The following CCDC146 variants were observed in gnomAD, a reference collection of about 807,000 sequenced individuals.
CCDC146 encodes coiled-coil domain containing 146.
CCDC146 carries 92 observed loss-of-function variants against 119.3 expected under a neutral mutation model. The ratio of observed to expected loss-of-function variants is 0.77; its 90% confidence interval spans 0.65 to 0.92. The LOEUF is 0.92. Among genes scored for constraint, CCDC146 ranks in the 40% least tolerant of loss-of-function variants. The probability of loss-of-function intolerance (pLI) is 0.00; values close to 1 mark genes in which losing one functional copy is unlikely to be tolerated. For synonymous variants in CCDC146, 372 were observed against 371.8 expected (o/e 1.00, Z -0.01); for missense variants, 1,000 against 1,103.0 (o/e 0.91, Z 1.32).
At position 77,237,043 on chromosome 7, in the gene CCDC146, C is replaced by T. The variant is rs762027707; in HGVS notation, c.239+14C>T. On this transcript the variant is annotated intron_variant, in intron 3 of 18. Transcript: ENST00000285871. ...CGCCGTGATGAGGTATGCAATTTACCAATATGGAGACATGATTAATCACCT... is the reference window on the plus strand; with the variant it reads ...CGCCGTGATGAGGTATGCAATTTACTAATATGGAGACATGATTAATCACCT... The T allele has an allele frequency of 1.3e-6, 2 of 1,599,208 alleles. No individual in the cohort carries two copies. The highest frequency in any genetic ancestry group is 1.7e-6 in the Non-Finnish European group (2 of 1,166,566).
intron 1 of CCDC146, among the ~76,000 whole-genome samples, chr7:77,129,939 G>A (rs1790757371): frequency 6.6e-6 from 1 of 151,998 alleles, no homozygotes; most frequent in African/African-American, 2.4e-5. Flanking sequence ...ATCAACTGTT[G>A]ATGTATCTCA....
chr7:77,243,133 T>A (rs144583933), intron 4 of CCDC146, among the ~76,000 whole-genome samples: 134 of 152,338 alleles, frequency 8.8e-4, no homozygotes, highest in African/African-American at 3.0e-3. Flanking sequence ...GACATTTCCA[T>A]GAAAGAGTAA....
chr7:77,151,680 A>G (rs1394503172), intron 1 of CCDC146, among the ~76,000 whole-genome samples: 3 of 152,138 alleles, frequency 2.0e-5, no homozygotes, highest in Non-Finnish European at 4.4e-5. Context: ...CCTCCTGGAC[A>G]TAAGACCTGC....
At chr7:77,290,364 C>A (rs1793923001) in intron 17 of CCDC146, among the ~76,000 whole-genome samples, 1 of 150,994 alleles carries the variant, frequency 6.6e-6, no homozygotes, top group Admixed American at 6.6e-5. Flanking sequence ...TACCCTAGAA[C>A]TTAAAGTATA....
chr7:77,140,423 T>C (rs557466545), intron 1 of CCDC146, among the ~76,000 whole-genome samples: 2 of 152,344 alleles, frequency 1.3e-5, no homozygotes, highest in South Asian at 4.1e-4. Flanking sequence ...GATCACAGTA[T>C]TGCTGGTGAT....
At chr7:77,257,687 G>A (rs1041613975) in intron 6 of CCDC146, among the ~76,000 whole-genome samples, 7 of 152,130 alleles carry the variant, frequency 4.6e-5, no homozygotes, top group African/African-American at 1.2e-4. Flanking sequence ...GAAATGTCTC[G>A]CCCACCACAC....
intron 1 of CCDC146, among the ~76,000 whole-genome samples, chr7:77,159,470 T>C (rs1036066431): frequency 3.9e-5 from 6 of 152,176 alleles, no homozygotes; most frequent in African/African-American, 1.2e-4. Flanking sequence ...CAGAATTTCC[T>C]TTCCTGTGGC....
chr7:77,179,191 A>C (rs1313729056), intron 2 of CCDC146, among the ~76,000 whole-genome samples: 1 of 152,222 alleles, frequency 6.6e-6, no homozygotes, highest in Admixed American at 6.5e-5. Context: ...CTGGGAAGTT[A>C]AGGAACAGAG....
intron 1 of CCDC146, among the ~76,000 whole-genome samples, chr7:77,156,245 G>A (rs1791178024): frequency 6.6e-6 from 1 of 152,194 alleles, no homozygotes; most frequent in African/African-American, 2.4e-5. Flanking sequence ...CTTTCTTTCA[G>A]AGTTTTGCTA....
chr7:77,264,147 C>T (rs1793356187), intron 9 of CCDC146, among the ~76,000 whole-genome samples: 1 of 152,078 alleles, frequency 6.6e-6, no homozygotes, highest in Non-Finnish European at 1.5e-5. Flanking sequence ...ATCTCTTTAA[C>T]TCTAGTAGTA....
chr7:77,183,862 T>A (rs1791625194), intron 2 of CCDC146, among the ~76,000 whole-genome samples: 1 of 152,252 alleles, frequency 6.6e-6, no homozygotes, highest in Admixed American at 6.5e-5. Flanking sequence ...GTTTTGCATA[T>A]AGTTATGCTA....
chr7:77,123,073 A>G (rs965501769), intron 1 of CCDC146, among the ~76,000 whole-genome samples: 3 of 145,438 alleles, frequency 2.1e-5, no homozygotes, highest in Non-Finnish European at 3.0e-5. Flanking sequence ...AAGAAAATGG[A>G]TGGGACCGTG....
At chr7:77,253,500 C>G (rs1355820192) in intron 4 of CCDC146, among the ~76,000 whole-genome samples, 1 of 152,188 alleles carries the variant, frequency 6.6e-6, no homozygotes, top group Non-Finnish European at 1.5e-5. Context: ...CATATGCATG[C>G]CCGTATCTCA....
In CCDC146 at chr7:77,196,292, T is replaced by A; in HGVS notation, c.156+28468T>A. 1 of 1,612,716 alleles carries A rather than the reference T, an allele frequency of 6.2e-7. No individual in the cohort carries two copies. Among genetic ancestry groups the A allele is most frequent in the South Asian group, 1.1e-5 (1 of 90,950 alleles). Reference sequence around the variant, plus strand: ...GAACAGAGTGATTTATGGCTTAAAGTGCTTGGGTCTGATCATCATCTTAGC... The same window carrying A: ...GAACAGAGTGATTTATGGCTTAAAGAGCTTGGGTCTGATCATCATCTTAGC... On this transcript the variant is annotated intron_variant, in intron 2 of 18. Transcript: ENST00000285871. This position sits in a 1 kb window ranked among gnomAD's most constrained non-coding sequence, Gnocchi z 4.2.
At chr7:77,273,878 AAG>A (rs1030952181) in intron 10 of CCDC146, 89 bp downstream of exon 10, 40 of 736,768 alleles carry the variant, frequency 5.4e-5, no homozygotes, top group Non-Finnish European at 7.8e-5. Context: ...CCTTATCAAT[AAG>A]AGAGTCATCA....
In CCDC146 at chr7:77,158,929, T is replaced by G. The variant is rs574812502; in HGVS notation, c.-11-8729T>G. Reference sequence around the variant, plus strand: ...TAATTCACACAGACTTTTTTATATTTGCCTCTGTTGGGTTTTCTTTCACTA... The same window carrying G: ...TAATTCACACAGACTTTTTTATATTGGCCTCTGTTGGGTTTTCTTTCACTA... On this transcript the variant is annotated intron_variant, in intron 1 of 18. Coordinates refer to ENST00000285871, the MANE Select transcript of CCDC146 (RefSeq NM_020879.3). Among the ~76,000 whole-genome samples the G allele has an allele frequency of 1.9e-4, 29 of 152,346 alleles. No individual in the cohort carries two copies. The East Asian group carries it at 3.5e-3, about 18-fold the overall frequency.
intron 1 of CCDC146, among the ~76,000 whole-genome samples, chr7:77,147,921 C>T (rs1014094541): frequency 3.9e-4 from 60 of 152,356 alleles, no homozygotes; most frequent in African/African-American, 1.4e-3. Flanking sequence ...GGGAGAACCA[C>T]TACTCTCTTC....
At position 77,174,976 on chromosome 7, in the gene CCDC146, A is replaced by G. The variant is rs532802420; in HGVS notation, c.156+7152A>G. ...AAGACGTTGAACCAGCATACACTCC[A>G]ATGGGTATTATGTTAGATGCTGTCA... On this transcript the variant is annotated intron_variant, in intron 2 of 18. Transcript: ENST00000285871. Among the ~76,000 whole-genome samples, 9 of 152,192 alleles carry G rather than the reference A, an allele frequency of 5.9e-5. 1 individual carries two copies. The East Asian group carries it at 1.7e-3, about 29-fold the overall frequency.
At chr7:77,147,571 C>T (rs1233352227) in intron 1 of CCDC146, among the ~76,000 whole-genome samples, 20 of 152,244 alleles carry the variant, frequency 1.3e-4, no homozygotes, top group Admixed American at 6.5e-4. Context: ...ATGATGGTGA[C>T]GTACAGATGG....
Sources: allele counts gnomAD v4.1 joint callset (sites outside exome capture counted in the v4.1 genomes callset), GRCh38; gene constraint gnomAD v4.1.1; non-coding constraint Gnocchi (gnomAD v3.1); transcripts MANE v1.5; gene names NCBI Gene and HGNC (gene_info 2026-07-23, HGNC 2026-07-21).